HERC1: variants seen among roughly 807,000 people sequenced by gnomAD.
HERC1 encodes HECT and RLD domain containing E3 ubiquitin protein ligase family member 1, also known as probable E3 ubiquitin-protein ligase HERC1.
In HERC1, 160 loss-of-function variants were observed where a neutral mutation model predicts 554.3. The ratio of observed to expected loss-of-function variants is 0.29; its 90% CI spans 0.25 to 0.33. The LOEUF is 0.33. HERC1 is among the 10% of genes least tolerant of loss of function. The pLI is 1.00. For synonymous variants in HERC1, 2,175 were observed against 2,131.7 expected, an observed-to-expected ratio of 1.02 and a Z score of -0.56; for missense variants, 4,919 against 5,918.5, an observed-to-expected ratio of 0.83 and a Z score of 5.54.
At position 63,688,597 on chromosome 15, in the gene HERC1, G is replaced by A. The variant is rs149124309; in HGVS notation, c.6048+992C>T. Reference sequence around the variant, plus strand: ...GAATAAGGTTTCTTTGAGAAGGAATGGGGATTAATCCAACACTTAGATTGA... The same window carrying A: ...GAATAAGGTTTCTTTGAGAAGGAATAGGGATTAATCCAACACTTAGATTGA... On this transcript the variant is annotated intron_variant, in intron 33 of 77. Transcript: ENST00000443617. Among the ~76,000 whole-genome samples the A allele has an allele frequency of 5.3e-4, 81 of 152,254 alleles. 1 individual carries two copies. The East Asian group carries it at 0.014, about 27-fold the overall frequency.
At chr15:63,647,313 C>A (rs544725808) in intron 55 of HERC1, among the ~76,000 whole-genome samples, 1 of 151,346 alleles carries the variant, frequency 6.6e-6, no homozygotes, top group African/African-American at 2.4e-5. Context: ...CATCTCACCC[C>A]AGTCAGGATG....
chr15:63,760,039 C>T (rs1053540762), intron 3 of HERC1, among the ~76,000 whole-genome samples: 10 of 152,030 alleles, frequency 6.6e-5, no homozygotes, highest in African/African-American at 2.4e-4. Context: ...TGGCTCATGC[C>T]TCTTGATACT....
Position 63,777,205 on chromosome 15 carries a change from T to C in HERC1, c.-26-1556A>G, listed in dbSNP as rs558268535. On this transcript the variant is annotated intron_variant, in intron 1 of 77. Transcript: ENST00000443617. ...ATTAAAAGGAGTTTCTTATATCTCA[T>C]TATGCCCTGGTAAATTCTAAATATA... Among the ~76,000 whole-genome samples, 3 of 152,352 alleles carry C rather than the reference T, an allele frequency of 2.0e-5. No homozygotes were observed. The South Asian group carries it at 6.2e-4, about 32-fold the overall frequency.
intron 12 of HERC1, among the ~76,000 whole-genome samples, chr15:63,735,433 T>G (rs2074460617): frequency 6.7e-6 from 1 of 148,300 alleles, no homozygotes; most frequent in African/African-American, 2.5e-5. Context: ...TTAGGAGATA[T>G]ACCTAATGTT....
chr15:63,624,096 AG>A, intron 72 of HERC1, 61 bp downstream of exon 72: 1 of 1,443,544 alleles, frequency 6.9e-7, no homozygotes, highest in Non-Finnish European at 9.5e-7. Flanking sequence ...CACAGAAATT[AG>A]TAATAACATC....
At chr15:63,628,147 T>C (rs773894637) in intron 70 of HERC1, among the ~76,000 whole-genome samples, 1 of 152,082 alleles carries the variant, frequency 6.6e-6, no homozygotes, top group Non-Finnish European at 1.5e-5. Context: ...TCCTAACACT[T>C]TGGGAGGCTG....
chr15:63,818,185 TTAAA>T (rs1284762926), intron 1 of HERC1, among the ~76,000 whole-genome samples: 4 of 152,134 alleles, frequency 2.6e-5, no homozygotes, highest in Non-Finnish European at 5.9e-5. Flanking sequence ...ATTTTTTTTA[TTAAA>T]TAAAGCAACA....
intron 74 of HERC1, among the ~76,000 whole-genome samples, chr15:63,620,705 T>C (rs923471197): frequency 1.3e-5 from 2 of 152,276 alleles, no homozygotes; most frequent in South Asian, 4.1e-4. Flanking sequence ...ATATTTAGGA[T>C]AGTTAGTTCT....
At chr15:63,833,567 G>C (rs1032229541) in intron 1 of HERC1, among the ~76,000 whole-genome samples, 1 of 152,018 alleles carries the variant, frequency 6.6e-6, no homozygotes, top group African/African-American at 2.4e-5. Flanking sequence ...CGGCTTCTAC[G>C]CTGCTCCGAG....
At chr15:63,808,238 A>T (rs957924537) in intron 1 of HERC1, among the ~76,000 whole-genome samples, 1 of 152,154 alleles carries the variant, frequency 6.6e-6, no homozygotes, top group African/African-American at 2.4e-5. Context: ...ATGATTCTGA[A>T]TAACGGCTGC....
At chr15:63,628,932 T>A in intron 69 of HERC1, 117 bp from the exon 70 acceptor site, 13 of 877,184 alleles carry the variant, frequency 1.5e-5, no homozygotes, top group Non-Finnish European at 2.1e-5. Flanking sequence ...GTACCATGCA[T>A]CAGCATCAAT....
At chr15:63,795,717 G>A (rs1053453600) in intron 1 of HERC1, among the ~76,000 whole-genome samples, 4 of 152,162 alleles carry the variant, frequency 2.6e-5, no homozygotes, top group Non-Finnish European at 4.4e-5. Context: ...GTTCTGCCAC[G>A]AGAGTACACC....
chr15:63,775,323 C>T lies in HERC1; in HGVS notation c.301G>A (p.Gly101Arg), dbSNP rs917848033. The change falls in exon 2 of 78, where the codon GGG becomes AGG. Residue 101 changes from glycine (G) to arginine (R), a missense_variant. Gly to Arg is a moderately radical substitution (Grantham distance 125, BLOSUM62 -2). This residue lies in a region of HERC1 where 744 missense variants were observed against 1,090.0 expected (regional missense o/e 0.68). Coordinates refer to ENST00000443617, the MANE Select transcript of HERC1 (RefSeq NM_003922.4). The surrounding 1 kb of genome is among the most constrained non-coding windows in gnomAD (Gnocchi z 4.0). ...KMVCSDSPFA[G>R]ALRKRLLVLQ... ...ACAAGCAGTCGTTTTCTAAGTGCCC[C>T]GGCAAATGGGGAATCTGAACATACC... 6.8e-6 allele frequency: 11 copies of T among 1,613,968 alleles called. No homozygotes were observed. The highest frequency in any genetic ancestry group is 3.3e-5 in the South Asian group (3 of 91,076).
chr15:63,621,960 T>A (rs911493488), intron 74 of HERC1, among the ~76,000 whole-genome samples: 5 of 152,200 alleles, frequency 3.3e-5, no homozygotes, highest in Admixed American at 2.0e-4. Context: ...TCAGGGTAGT[T>A]TGATCGTCTG....
At chr15:63,735,187 G>C (rs1294207546) in intron 12 of HERC1, among the ~76,000 whole-genome samples, 1 of 152,114 alleles carries the variant, frequency 6.6e-6, no homozygotes, top group African/African-American at 2.4e-5. Flanking sequence ...TAATGGGAAA[G>C]AAAGACCCTG....
At chr15:63,741,655 C>T (rs1160425933) in intron 12 of HERC1, among the ~76,000 whole-genome samples, 2 of 152,056 alleles carry the variant, frequency 1.3e-5, no homozygotes, top group Non-Finnish European at 2.9e-5. Flanking sequence ...GTCTTTAATC[C>T]ACTTTAATTT....
At position 63,609,018 on chromosome 15, in the gene HERC1, C is replaced by A; in HGVS notation, c.*63G>T. On this transcript the variant is annotated 3_prime_UTR_variant, in exon 78 of 78. Transcript: ENST00000443617. ...CTATGTAGTTACCATAAAAGTATAT[C>A]AACATCAAATCAGAAGTGAGCATTA... The A allele has an allele frequency of 7.0e-7, 1 of 1,433,480 alleles. No homozygotes were observed. Among genetic ancestry groups the A allele is most frequent in the South Asian group, 1.3e-5 (1 of 74,138 alleles). 88.8% of individuals were successfully genotyped at this position (1,433,480 alleles called of 1,614,324 possible).
At chr15:63,701,065 A>G (rs901236351) in intron 25 of HERC1, among the ~76,000 whole-genome samples, 1 of 151,954 alleles carries the variant, frequency 6.6e-6, no homozygotes, top group African/African-American at 2.4e-5. Context: ...TTAGAATAAA[A>G]GGTTCTTCTA....
chr15:63,779,596 G>T (rs759739684), intron 1 of HERC1: 5 of 152,130 alleles, frequency 3.3e-5, no homozygotes, highest in Non-Finnish European at 7.3e-5. Context: ...TCCACTAACA[G>T]GATCTATTTC....
Sources: gnomAD v4.1 joint callset for allele counts (sites outside exome capture counted in the v4.1 genomes callset) on GRCh38, gnomAD v4.1.1 for gene constraint, gnomAD v4.1.1 regional missense constraint, Gnocchi (gnomAD v3.1) non-coding constraint, MANE v1.5 for transcripts, NCBI Gene and HGNC (gene_info 2026-07-23, HGNC 2026-07-21) for gene names.